TMEM265: variants seen among roughly 807,000 people sequenced by gnomAD.
TMEM265 encodes transmembrane protein 265.
TMEM265 carries 8 observed loss-of-function variants against 9.5 expected under a neutral mutation model. The observed-to-expected ratio is 0.84, with a 90% CI of 0.49 to 1.52. The LOEUF (loss-of-function observed/expected upper bound fraction) is 1.52, where lower values mean the gene tolerates loss of function less well. TMEM265 is among the 40% of genes most tolerant of loss of function. TMEM265 has a pLI of 0.00. For synonymous variants in TMEM265, 53 were observed against 56.9 expected (o/e 0.93, Z 0.31); for missense variants, 152 against 146.2 (o/e 1.04, Z -0.21).
chr16:30,743,833 G>A lies in TMEM265; in HGVS notation c.217G>A (p.Ala73Thr). The A allele has an allele frequency of 6.5e-7, 1 of 1,533,714 alleles. No individual in the cohort carries two copies. Among genetic ancestry groups the A allele is most frequent in the Non-Finnish European group, 8.7e-7 (1 of 1,146,638 alleles). ...GRSEEAVRWGARARKLILASF... is the reference protein window; with the variant it reads ...GRSEEAVRWGTRARKLILASF... ...GTCCGAGGAGGCAGTGCGCTGGGGG[G>A]CCCGGGCCCGGAAACTCATCCTGGC... The change falls in exon 3 of 3, where the codon GCC becomes ACC. Residue 73 changes from alanine (A) to threonine (T), a missense_variant. By Grantham distance (58) the Ala-to-Thr change is moderately conservative. Coordinates refer to ENST00000615541, the MANE Select transcript of TMEM265 (RefSeq NM_001256829.2).
chr16:30,743,661 G>A, intron 2 of TMEM265, 121 bp from the exon 3 acceptor site: 1 of 1,200,430 alleles, frequency 8.3e-7, no homozygotes, highest in Non-Finnish European at 1.1e-6. Flanking sequence ...AACTGGAAAG[G>A]GAGGTAGAGG....
At chr16:30,743,412 G>T (rs1029894064) in intron 2 of TMEM265, among the ~76,000 whole-genome samples, 3 of 152,066 alleles carry the variant, frequency 2.0e-5, no homozygotes, top group Non-Finnish European at 4.4e-5. Context: ...GAAAAGATGA[G>T]GCCCATTGGG....
rs905209009 is a variant in TMEM265, at chr16:30,744,602, A to G, written c.*659A>G. The G allele has an allele frequency of 2.0e-5, 3 of 152,228 alleles. No individual in the cohort carries two copies. Among genetic ancestry groups the G allele is most frequent in the Non-Finnish European group, 2.9e-5 (2 of 68,038 alleles). The allele number at this position is 152,228 out of a possible 1,614,324, so 9.4% of individuals were successfully genotyped here. A position where few individuals can be genotyped will look rare whatever the true frequency, so the allele number is the denominator to read the frequency against. ...CAGTCACTCAGTAGATGTCTGTACTATCATATCCATCATATGAATATATCA... is the reference window on the plus strand; with the variant it reads ...CAGTCACTCAGTAGATGTCTGTACTGTCATATCCATCATATGAATATATCA... On this transcript the variant is annotated 3_prime_UTR_variant, in exon 3 of 3. Coordinates refer to ENST00000615541, the MANE Select transcript of TMEM265 (RefSeq NM_001256829.2).
In TMEM265 at chr16:30,743,944, C is replaced by A. The variant is rs1287577121; in HGVS notation, c.*1C>A. The A allele has an allele frequency of 6.5e-7, 1 of 1,532,850 alleles. No individual in the cohort carries two copies. Among genetic ancestry groups the A allele is most frequent in the Admixed American group, 2.0e-5 (1 of 50,908 alleles). The allele number at this position is 1,532,850 out of a possible 1,614,324, so 95.0% of individuals were successfully genotyped here. A position where few individuals can be genotyped will look rare whatever the true frequency, so the allele number is the denominator to read the frequency against. On this transcript the variant is annotated 3_prime_UTR_variant, in exon 3 of 3. Coordinates refer to ENST00000615541, the MANE Select transcript of TMEM265 (RefSeq NM_001256829.2). ...CTACGCCATCGCTCAGGCTGAGTGA[C>A]CCTGGATGGCCTCTGCTGAGAGCCA... is the stretch of plus-strand genomic sequence containing the variant.
rs1057258838 is a variant in TMEM265, at chr16:30,741,766, T to G, written c.23T>G (p.Val8Gly). The part of the protein sequence containing the change: MEDEEKA[V>G]EILGNTEAAH... ...GTGATGGAGGACGAGGAGAAGGCAG[T>G]GGAGATCTTGGGCAACACGGAAGCT... Residue 8 changes from valine (V) to glycine (G), a missense_variant, in exon 2 of 3, where the codon GTG (valine) becomes GGG (glycine). Val to Gly is a moderately radical substitution (Grantham distance 109). Transcript: ENST00000615541. The G allele has an allele frequency of 1.3e-6, 2 of 1,533,906 alleles. No individual in the cohort carries two copies. The highest frequency in any genetic ancestry group is 1.7e-6 in the Non-Finnish European group (2 of 1,146,710).
intron 1 of TMEM265, 76 bp from the exon 2 acceptor site, chr16:30,741,665 A>C: frequency 7.0e-7 from 1 of 1,427,238 alleles, no homozygotes; most frequent in Non-Finnish European, 9.3e-7. Flanking sequence ...GAATGCTCTG[A>C]GAGGGGTGGA....
intron 2 of TMEM265, among the ~76,000 whole-genome samples, chr16:30,743,083 GGGCCCTTAATGA>G (rs1057400533): frequency 4.6e-5 from 7 of 151,910 alleles, no homozygotes; most frequent in African/African-American, 1.7e-4. Context: ...ATCCTAAAAA[GGGCCCTTAATGA>G]TAACAAAGAG....
In TMEM265 at chr16:30,743,278, TG is replaced by T. The variant is rs1167257825; in HGVS notation, c.166-501del. Among the ~76,000 whole-genome samples, 3 of 151,606 alleles carry T rather than the reference TG, an allele frequency of 2.0e-5. No homozygotes were observed. The East Asian group carries it at 5.9e-4, about 30-fold the overall frequency. ...GCACGTACCTGTTATCCCATCTATT[TG>T]GGAGGCTGAGACACGAGAATTGCTT... On this transcript the variant is annotated intron_variant, in intron 2 of 2. Coordinates refer to ENST00000615541, the MANE Select transcript of TMEM265 (RefSeq NM_001256829.2).
intron 2 of TMEM265, among the ~76,000 whole-genome samples, chr16:30,742,393 T>C (rs146145944): frequency 0.013 from 1,919 of 152,286 alleles, 34 homozygotes; most frequent in African/African-American, 0.042. Context: ...CCTCCAGTTC[T>C]GTGCTTAAGA....
intron 2 of TMEM265, 128 bp downstream of exon 2, chr16:30,742,036 T>C (rs1461638151): frequency 9.8e-7 from 1 of 1,016,148 alleles, no homozygotes; most frequent in African/African-American, 1.6e-5. Context: ...GAAATAAGAA[T>C]AAGACAGGGT....
rs2053240549 is a variant in TMEM265, at chr16:30,743,898, C to T, written c.282C>T (p.Pro94=). ...GGCTTGCTGTCCTCATTCTGGGTCCCCTGCTGCTGTGGTTGCTCTCCTACG... is the reference window on the plus strand; with the variant it reads ...GGCTTGCTGTCCTCATTCTGGGTCCTCTGCTGCTGTGGTTGCTCTCCTACG... ...AVWLAVLILG[P]LLLWLLSYAI... is the part of the protein sequence containing the mutation. Residue 94 remains proline (P), a synonymous_variant, in exon 3 of 3, where the codon CCC becomes CCT. Transcript: ENST00000615541. The T allele has an allele frequency of 6.5e-7, 1 of 1,533,946 alleles. No homozygotes were observed.
intron 2 of TMEM265, among the ~76,000 whole-genome samples, chr16:30,743,315 G>C (rs570446391): frequency 6.6e-6 from 1 of 151,906 alleles, no homozygotes; most frequent in African/African-American, 2.4e-5. Flanking sequence ...GAACCTGGGA[G>C]GAGGAGGTTG....
At position 30,741,887 on chromosome 16, in the gene TMEM265, G is replaced by A. The variant is rs193032057; in HGVS notation, c.144G>A (p.Met48Ile). 2.2e-5 allele frequency: 33 copies of A among 1,533,928 alleles called. No homozygotes were observed. The Admixed American group carries it at 3.7e-4, about 17-fold the overall frequency. Reference protein sequence around the residue: ...IICGCSCLGVMALVFAIKAEE... With the variant: ...IICGCSCLGVIALVFAIKAEE... Reference sequence around the variant, plus strand: ...GTGGCTGCTCTTGCCTGGGAGTCATGGCTCTGGTGTTTGCCATCAAGGTGA... The same window carrying A: ...GTGGCTGCTCTTGCCTGGGAGTCATAGCTCTGGTGTTTGCCATCAAGGTGA... Residue 48 changes from methionine (M) to isoleucine (I), a missense_variant, in exon 2 of 3, where the codon ATG (methionine) becomes ATA (isoleucine). Transcript: ENST00000615541.
intron 1 of TMEM265, chr16:30,741,098 T>G (rs1447908063): frequency 6.6e-6 from 1 of 152,318 alleles, no homozygotes; most frequent in Non-Finnish European, 1.5e-5. Context: ...GATTGTGTTA[T>G]GTGGCCTGGG....
At chr16:30,742,420 G>C (rs552512232) in intron 2 of TMEM265, among the ~76,000 whole-genome samples, 71 of 152,298 alleles carry the variant, frequency 4.7e-4, no homozygotes, top group African/African-American at 1.6e-3. Context: ...ACTTTATCTT[G>C]AAAGTACTGG....
In TMEM265 at chr16:30,744,508, C is replaced by T. The variant is rs2053244548; in HGVS notation, c.*565C>T. On this transcript the variant is annotated 3_prime_UTR_variant, in exon 3 of 3. Transcript: ENST00000615541. ...AGGCCAAGAGTAGTAGCAGCTGCTACTATTTATTACTTACTATATTCCAGG... is the reference window on the plus strand; with the variant it reads ...AGGCCAAGAGTAGTAGCAGCTGCTATTATTTATTACTTACTATATTCCAGG... 6.6e-6 allele frequency: 1 copy of T among 152,206 alleles called. No individual in the cohort carries two copies. Among genetic ancestry groups the T allele is most frequent in the African/African-American group, 2.4e-5 (1 of 41,438 alleles). The allele number at this position is 152,206 out of a possible 1,614,324, so 9.4% of individuals were successfully genotyped here.
rs1185047499 is a variant in TMEM265, at chr16:30,743,869, G to T, written c.253G>T (p.Val85Phe). Residue 85 changes from valine (V) to phenylalanine (F), a missense_variant, in exon 3 of 3, where the codon GTC becomes TTC. By Grantham distance (50) the Val-to-Phe change is conservative. Transcript: ENST00000615541. ...ARKLILASFA[V>F]WLAVLILGPL... ...GAAACTCATCCTGGCCAGCTTTGCT[G>T]TCTGGCTTGCTGTCCTCATTCTGGG... 1.3e-6 allele frequency: 2 copies of T among 1,533,984 alleles called. No individual in the cohort carries two copies. Among genetic ancestry groups the T allele is most frequent in the South Asian group, 2.4e-5 (2 of 83,970 alleles).
intron 1 of TMEM265, among the ~76,000 whole-genome samples, 157 bp from the exon 2 acceptor site, chr16:30,741,584 G>C (rs1376776945): frequency 1.3e-5 from 2 of 152,120 alleles, no homozygotes; most frequent in African/African-American, 4.8e-5. Context: ...TTCCTCTCCT[G>C]CTCTGTGAGT....
Position 30,745,062 on chromosome 16 carries a change from T to A in TMEM265, c.*1119T>A, listed in dbSNP as rs2053248593. On this transcript the variant is annotated 3_prime_UTR_variant, in exon 3 of 3. Transcript: ENST00000615541. The stretch of plus-strand genomic sequence containing the variant: ...TTATACTCCTCCCAATCACTGCTAC[T>A]TCCTTTCTTCCCACAGGTAACCACC... 1 of 152,246 alleles carries A rather than the reference T, an allele frequency of 6.6e-6. No homozygotes were observed. The highest frequency in any genetic ancestry group is 6.5e-5 in the Admixed American group (1 of 15,282). The allele number at this position is 152,246 out of a possible 1,614,324, so 9.4% of individuals were successfully genotyped here.
Sources: allele counts gnomAD v4.1 joint callset (sites outside exome capture counted in the v4.1 genomes callset), GRCh38; gene constraint gnomAD v4.1.1; transcripts MANE v1.5; gene names NCBI Gene and HGNC (gene_info 2026-07-23, HGNC 2026-07-21).